The following RBMS3 variants were observed in gnomAD, a reference collection of about 807,000 sequenced individuals.
RBMS3 encodes RNA-binding motif, single-stranded-interacting protein 3.
A neutral mutation model predicts 66.8 loss-of-function variants in RBMS3; 27 were observed. That is an observed-to-expected ratio of 0.40 (90% CI 0.30 to 0.56). RBMS3 has a LOEUF of 0.56. Ranked by LOEUF, RBMS3 falls within the 20% of genes least tolerant of loss-of-function variation. The pLI is 0.40. For synonymous variants in RBMS3, 188 were observed against 183.0 expected, an observed-to-expected ratio of 1.03 and a Z score of -0.22; for missense variants, 513 against 549.5, an observed-to-expected ratio of 0.93 and a Z score of 0.66.
chr3:29,890,119 T>A (rs901747664), intron 8 of RBMS3, among the ~76,000 whole-genome samples: 1 of 151,716 alleles, frequency 6.6e-6, no homozygotes, highest in Admixed American at 6.6e-5. Context: ...TGATACTTCT[T>A]TATAGAAATT....
At chr3:29,300,352 C>G (rs574545984) in intron 1 of RBMS3, among the ~76,000 whole-genome samples, 3 of 152,054 alleles carry the variant, frequency 2.0e-5, no homozygotes, top group African/African-American at 7.2e-5. Flanking sequence ...TGTATATCTA[C>G]AAAGATGCTT....
chr3:29,866,475 T>C (rs904312358), intron 6 of RBMS3, among the ~76,000 whole-genome samples: 9 of 152,214 alleles, frequency 5.9e-5, no homozygotes, highest in Non-Finnish European at 1.2e-4. Flanking sequence ...GATTTACCTT[T>C]TGTGAGAAAT....
chr3:29,950,249 CA>C (rs1695590071), intron 12 of RBMS3, among the ~76,000 whole-genome samples: 1 of 151,844 alleles, frequency 6.6e-6, no homozygotes, highest in Non-Finnish European at 1.5e-5. Flanking sequence ...AATCAAAAGG[CA>C]GCCTCTCAAA....
chr3:29,701,568 G>A (rs913770665), intron 4 of RBMS3, among the ~76,000 whole-genome samples: 1 of 152,146 alleles, frequency 6.6e-6, no homozygotes, highest in South Asian at 2.1e-4. Flanking sequence ...CTTGTAAGGA[G>A]GTGTGGAGGG....
chr3:29,295,273 TTA>T (rs370586837), intron 1 of RBMS3, among the ~76,000 whole-genome samples: 684 of 51,212 alleles, frequency 0.013, 3 homozygotes, highest in African/African-American at 0.024. Flanking sequence ...TTGCAGAAAA[TTA>T]TATATATATA....
chr3:29,523,330 A>C (rs2044941628), intron 3 of RBMS3, among the ~76,000 whole-genome samples: 1 of 152,184 alleles, frequency 6.6e-6, no homozygotes, highest in Non-Finnish European at 1.5e-5. Flanking sequence ...ATTATGTTGT[A>C]GTTGCTTAGA....
chr3:29,405,180 G>A (rs374744941), intron 1 of RBMS3, among the ~76,000 whole-genome samples: 1 of 152,252 alleles, frequency 6.6e-6, no homozygotes, highest in Non-Finnish European at 1.5e-5. Flanking sequence ...AAAGTCAGGT[G>A]TTGTTCATGA....
intron 8 of RBMS3, among the ~76,000 whole-genome samples, chr3:29,885,067 T>A (rs963495312): frequency 2.0e-5 from 3 of 151,876 alleles, no homozygotes; most frequent in Non-Finnish European, 1.5e-5. Flanking sequence ...ATTTAAATAA[T>A]TACCTCTTAT....
At chr3:29,636,278 C>T (rs1437679819) in intron 4 of RBMS3, among the ~76,000 whole-genome samples, 1 of 151,750 alleles carries the variant, frequency 6.6e-6, no homozygotes, top group African/African-American at 2.4e-5. Flanking sequence ...CCAGTGTGGC[C>T]GTGTAAGACA....
intron 11 of RBMS3, among the ~76,000 whole-genome samples, chr3:29,943,624 C>A (rs990978241): frequency 2.6e-5 from 4 of 151,770 alleles, no homozygotes. Flanking sequence ...TCTGCTCCCA[C>A]AGTTACAACA....
intron 12 of RBMS3, among the ~76,000 whole-genome samples, chr3:29,983,014 G>T (rs1698099239): frequency 6.6e-6 from 1 of 152,130 alleles, no homozygotes; most frequent in African/African-American, 2.4e-5. Context: ...GAGTATTAAA[G>T]TGTCCCGCTA....
chr3:29,716,642 T>C (rs1182646083), intron 4 of RBMS3, among the ~76,000 whole-genome samples: 1 of 152,198 alleles, frequency 6.6e-6, no homozygotes, highest in Non-Finnish European at 1.5e-5. Context: ...CCTTGTTATA[T>C]ATAAGTACAG....
chr3:29,556,436 T>A (rs1447600064), intron 3 of RBMS3: 3 of 152,272 alleles, frequency 2.0e-5, no homozygotes, highest in Non-Finnish European at 2.9e-5. Flanking sequence ...ACCCTGTCTC[T>A]ACTAAAAATA....
chr3:29,563,955 C>T (rs928931201), intron 3 of RBMS3, among the ~76,000 whole-genome samples: 2 of 146,302 alleles, frequency 1.4e-5, no homozygotes, highest in African/African-American at 5.1e-5. Flanking sequence ...AGATTGAGGC[C>T]GTAGTGAGCT....
chr3:29,322,806 C>T (rs1369144820), intron 1 of RBMS3, among the ~76,000 whole-genome samples: 2 of 152,052 alleles, frequency 1.3e-5, no homozygotes, highest in East Asian at 3.9e-4. Context: ...GACAGAAGCT[C>T]TTTAGCTACT....
At chr3:29,479,717 A>T (rs2043067054) in intron 2 of RBMS3, among the ~76,000 whole-genome samples, 1 of 152,224 alleles carries the variant, frequency 6.6e-6, no homozygotes. Context: ...CAGATTCTTC[A>T]GGCTCAGTCA....
intron 1 of RBMS3, among the ~76,000 whole-genome samples, chr3:29,335,747 A>G (rs2125524247): frequency 6.6e-6 from 1 of 152,314 alleles, no homozygotes; most frequent in South Asian, 2.1e-4. Context: ...GGAAGACAGG[A>G]ACAGGGGTCA....
At chr3:29,396,846 T>G (rs907959753) in intron 1 of RBMS3, among the ~76,000 whole-genome samples, 1 of 152,190 alleles carries the variant, frequency 6.6e-6, no homozygotes, top group African/African-American at 2.4e-5. Flanking sequence ...CTGAAAGAGT[T>G]TATTTTCTTT....
chr3:29,316,799 G>T (rs1182563100), intron 1 of RBMS3, among the ~76,000 whole-genome samples: 1 of 151,720 alleles, frequency 6.6e-6, no homozygotes, highest in African/African-American at 2.4e-5. Flanking sequence ...AATGAGGCTT[G>T]TGTAAGTGGT....
Sources: gnomAD v4.1 joint callset for allele counts (sites outside exome capture counted in the v4.1 genomes callset) on GRCh38, gnomAD v4.1.1 for gene constraint, MANE v1.5 for transcripts, NCBI Gene and HGNC (gene_info 2026-07-23, HGNC 2026-07-21) for gene names.